Variants in SOX5 observed in about 807,000 individuals in gnomAD.
SOX5 encodes SRY-box transcription factor 5.
In SOX5, 9 loss-of-function variants were observed where a neutral mutation model predicts 92.0. The ratio of observed to expected loss-of-function variants is 0.10; its 90% CI spans 0.06 to 0.17. The LOEUF (loss-of-function observed/expected upper bound fraction) is 0.17, where lower values mean the gene tolerates loss of function less well. Ranked by LOEUF, SOX5 falls within the 10% of genes least tolerant of loss-of-function variation. The probability of loss-of-function intolerance (pLI) is 1.00; values close to 1 mark genes in which losing one functional copy is unlikely to be tolerated. For synonymous variants in SOX5, 344 were observed against 336.3 expected, an observed-to-expected ratio of 1.02 and a Z score of -0.25; for missense variants, 642 against 944.5, an observed-to-expected ratio of 0.68 and a Z score of 4.20.
At chr12:23,856,494 T>G (rs537547439) in intron 2 of SOX5, among the ~76,000 whole-genome samples, 60 of 152,214 alleles carry the variant, frequency 3.9e-4, no homozygotes, top group Non-Finnish European at 7.8e-4. Context: ...GTTATTGCTA[T>G]TTAACATATG....
intron 11 of SOX5, among the ~76,000 whole-genome samples, chr12:23,553,023 C>T (rs1272414644): frequency 6.6e-6 from 1 of 151,942 alleles, no homozygotes; most frequent in African/African-American, 2.4e-5. Context: ...TCTTTCCACT[C>T]CACTGAAGTC....
In SOX5 at chr12:23,837,313, TTATATTTATATAATATATAAGA is replaced by T. The variant is rs1182151269; in HGVS notation, c.481+8648_481+8669del. Among the ~76,000 whole-genome samples, 341 of 99,532 alleles carry T rather than the reference TTATATTTATATAATATATAAGA, an allele frequency of 3.4e-3. 9 individuals carry two copies. Among genetic ancestry groups the T allele is most frequent in the African/African-American group, 0.013 (316 of 24,642 alleles). 65.3% of individuals were successfully genotyped at this position (99,532 alleles called of 152,430 possible). On this transcript the variant is annotated intron_variant, in intron 3 of 14. Coordinates refer to ENST00000451604, the MANE Select transcript of SOX5 (RefSeq NM_006940.6). ...TATTTATATAATATATAAGATATAT[TTATATTTATATAATATATAAGA>T]TATATTTATATTTATATAATATATA...
chr12:24,389,290 C>A (rs1958743867), intron 1 of SOX5, among the ~76,000 whole-genome samples: 1 of 152,156 alleles, frequency 6.6e-6, no homozygotes, highest in African/African-American at 2.4e-5. Context: ...ATGAACTCAT[C>A]ATTTTTTATG....
intron 1 of SOX5, among the ~76,000 whole-genome samples, chr12:24,427,441 A>C (rs1966850440): frequency 6.6e-6 from 1 of 152,230 alleles, no homozygotes; most frequent in Non-Finnish European, 1.5e-5. Context: ...TCACCTTCAA[A>C]GCATGGGATT....
At chr12:24,494,188 T>C (rs1947379321) in intron 1 of SOX5, among the ~76,000 whole-genome samples, 1 of 152,188 alleles carries the variant, frequency 6.6e-6, no homozygotes. Context: ...AGTAACTCCA[T>C]ACACTTTCGT....
intron 2 of SOX5, among the ~76,000 whole-genome samples, chr12:23,875,041 T>C (rs376102209): frequency 2.0e-5 from 3 of 152,338 alleles, no homozygotes; most frequent in East Asian, 1.9e-4. Context: ...TGTTTCCTAG[T>C]GCTGGCCCAA....
At chr12:24,360,927 T>C (rs1274854814) in intron 2 of SOX5, among the ~76,000 whole-genome samples, 2 of 152,196 alleles carry the variant, frequency 1.3e-5, no homozygotes, top group Non-Finnish European at 2.9e-5. Flanking sequence ...TAGTACTAAA[T>C]ACATATTCAT....
intron 3 of SOX5, chr12:24,223,466 G>A (rs1286094498): frequency 6.6e-6 from 1 of 152,154 alleles, no homozygotes; most frequent in Non-Finnish European, 1.5e-5. Context: ...TCCAAAAGAA[G>A]TCCCAGGCCT....
At chr12:24,181,839 A>C (rs1344513164) in intron 4 of SOX5, among the ~76,000 whole-genome samples, 2 of 152,222 alleles carry the variant, frequency 1.3e-5, no homozygotes, top group African/African-American at 2.4e-5. Flanking sequence ...AAGCAAAATC[A>C]ATAACTATGA....
At chr12:23,809,669 A>T (rs2095842761) in intron 3 of SOX5, among the ~76,000 whole-genome samples, 1 of 151,720 alleles carries the variant, frequency 6.6e-6, no homozygotes. Flanking sequence ...CAAGCAGAAA[A>T]TCTATAGTTT....
intron 4 of SOX5, among the ~76,000 whole-genome samples, chr12:24,105,680 T>C (rs1946593090): frequency 6.6e-6 from 1 of 152,238 alleles, no homozygotes; most frequent in African/African-American, 2.4e-5. Flanking sequence ...ATGTAGTTGA[T>C]AAACTTCAAC....
intron 3 of SOX5, among the ~76,000 whole-genome samples, chr12:23,757,674 C>T: frequency 6.6e-6 from 1 of 152,012 alleles, no homozygotes; most frequent in Middle Eastern, 3.4e-3. Flanking sequence ...AGCTAACAAA[C>T]CTTTGCAAAG....
At chr12:24,433,276 A>G (rs1221784647) in intron 1 of SOX5, among the ~76,000 whole-genome samples, 3 of 152,230 alleles carry the variant, frequency 2.0e-5, no homozygotes, top group Non-Finnish European at 4.4e-5. Context: ...GACATAGCAG[A>G]AGGTTCTATA....
intron 3 of SOX5, among the ~76,000 whole-genome samples, chr12:23,798,503 C>G (rs1434347081): frequency 1.3e-5 from 2 of 149,714 alleles, no homozygotes; most frequent in Non-Finnish European, 3.0e-5. Flanking sequence ...CAGAGTTACA[C>G]ATGTATACTC....
chr12:23,633,896 T>A (rs1425485780), intron 8 of SOX5, among the ~76,000 whole-genome samples: 2 of 152,114 alleles, frequency 1.3e-5, no homozygotes, highest in African/African-American at 4.8e-5. Context: ...AAGAATTACA[T>A]AAACTGTAAT....
chr12:23,771,187 CA>C (rs376988688), intron 3 of SOX5, among the ~76,000 whole-genome samples: 13,473 of 108,566 alleles, frequency 0.12, 675 homozygotes, highest in South Asian at 0.26. Flanking sequence ...AAAAATGGAG[CA>C]AAAAAAAAAA....
chr12:23,956,090 T>A (rs1259512854), intron 4 of SOX5, among the ~76,000 whole-genome samples: 2 of 152,220 alleles, frequency 1.3e-5, no homozygotes, highest in African/African-American at 2.4e-5. Flanking sequence ...GAGGTAAGTA[T>A]GAAAATGTTT....
chr12:24,421,542 T>C (rs1965914495), intron 1 of SOX5, among the ~76,000 whole-genome samples: 2 of 152,340 alleles, frequency 1.3e-5, no homozygotes, highest in South Asian at 4.1e-4. Context: ...TTTCTTTACC[T>C]GATCAGTACT....
intron 3 of SOX5, among the ~76,000 whole-genome samples, chr12:24,246,164 A>T (rs985473333): frequency 1.3e-5 from 2 of 152,120 alleles, no homozygotes; most frequent in South Asian, 2.1e-4. Context: ...TTTTTTAAAT[A>T]ATGTTTTCTT....
Sources: allele counts gnomAD v4.1 joint callset (sites outside exome capture counted in the v4.1 genomes callset), GRCh38; gene constraint gnomAD v4.1.1; transcripts MANE v1.5; gene names NCBI Gene and HGNC (gene_info 2026-07-23, HGNC 2026-07-21).